ASAH1: variants seen among roughly 807,000 people sequenced by gnomAD.
ASAH1 encodes N-acylsphingosine amidohydrolase 1, also known as acid ceramidase.
ASAH1 carries 70 observed loss-of-function variants against 59.5 expected under a neutral mutation model. That is an observed-to-expected ratio of 1.18 (90% CI 0.97 to 1.43). The LOEUF (loss-of-function observed/expected upper bound fraction) is 1.43, where lower values mean the gene tolerates loss of function less well. Ranked by LOEUF, ASAH1 falls within the 40% of genes most tolerant of loss-of-function variation. ASAH1 has a pLI of 0.00. For missense variants in ASAH1, 660 were observed against 482.5 expected, an observed-to-expected ratio of 1.37 and a Z score of -3.45; for synonymous variants, 213 against 166.5, an observed-to-expected ratio of 1.28 and a Z score of -2.15.
chr8:18,066,092 T>G (rs529176858), intron 5 of ASAH1: 7 of 152,178 alleles, frequency 4.6e-5, no homozygotes, highest in African/African-American at 1.2e-4. Flanking sequence ...GGCCTAAATG[T>G]AAAAAGTAAA....
chr8:18,079,120 A>G (rs750342807), intron 1 of ASAH1, among the ~76,000 whole-genome samples: 3 of 122,260 alleles, frequency 2.5e-5, no homozygotes, highest in Non-Finnish European at 5.7e-5. Context: ...ACTACTAACA[A>G]TGCAAAAATT....
At chr8:18,059,943 C>G (rs1041937693) in intron 10 of ASAH1, 3 of 409,070 alleles carry the variant, frequency 7.3e-6, no homozygotes, top group African/African-American at 2.7e-5. Flanking sequence ...ACCCCACCCC[C>G]TGACAGGCCC....
intron 2 of ASAH1, among the ~76,000 whole-genome samples, chr8:18,075,275 G>T (rs919348034): frequency 3.3e-5 from 5 of 152,166 alleles, no homozygotes; most frequent in Admixed American, 1.3e-4. Context: ...TTACAGGCGT[G>T]AGCCACCGCG....
At position 18,064,664 on chromosome 8, in the gene ASAH1, C is replaced by T. The variant is rs528098708; in HGVS notation, c.383-133G>A. On this transcript the variant is annotated intron_variant, in intron 5 of 13. Transcript: ENST00000637790. ...GCCAGTGGGGCTGTGCTGGAACGGC[C>T]GGCTGGAGGTGGTTTTCTTCCCCAG... The T allele has an allele frequency of 2.1e-3, 1,346 of 638,190 alleles. 24 individuals carry two copies. Among genetic ancestry groups the T allele is most frequent in the South Asian group, 0.018 (944 of 52,996 alleles). The allele number at this position is 638,190 out of a possible 1,614,324, so 39.5% of individuals were successfully genotyped here. A position where few individuals can be genotyped will look rare whatever the true frequency, so the allele number is the denominator to read the frequency against.
At position 18,062,298 on chromosome 8, in the gene ASAH1, A is replaced by G. The variant is rs141068211; in HGVS notation, c.629T>C (p.Met210Thr). The change falls in exon 8 of 14, where the codon ATG becomes ACG. Residue 210 changes from methionine to threonine, a missense_variant. By Grantham distance (81) the Met-to-Thr change is moderately conservative. Coordinates refer to ENST00000637790, the MANE Select transcript of ASAH1 (RefSeq NM_177924.5). ...KASSFAGYVGMLTGFKPGLFS... is the reference protein window; with the variant it reads ...KASSFAGYVGTLTGFKPGLFS... ...CCTTACTGGTTTGAATCCTGTTAAC[A>G]TGCCCACATAGCCAGCAAAGCTTGA... is the stretch of plus-strand genomic sequence containing the variant. 1.3e-3 allele frequency: 2,131 copies of G among 1,614,240 alleles called. 2 individuals carry two copies. Among genetic ancestry groups the G allele is most frequent in the Non-Finnish European group, 1.7e-3 (1,952 of 1,180,034 alleles).
chr8:18,064,706 T>G, intron 5 of ASAH1, 175 bp from the exon 6 acceptor site: 1 of 576,438 alleles, frequency 1.7e-6, no homozygotes, highest in Non-Finnish European at 3.1e-6. Context: ...CTCTCTAGAC[T>G]CAAGATGAAA....
intron 7 of ASAH1, 81 bp downstream of exon 7, chr8:18,063,104 G>C: frequency 7.4e-7 from 1 of 1,343,432 alleles, no homozygotes; most frequent in Non-Finnish European, 1.1e-6. Flanking sequence ...TCCTGACCTC[G>C]TGATCCACCC....
intron 4 of ASAH1, 189 bp from the exon 5 acceptor site, chr8:18,067,487 TAA>T (rs1373629645): frequency 3.7e-6 from 1 of 268,552 alleles, no homozygotes; most frequent in Non-Finnish European, 6.9e-6. Flanking sequence ...CATGTAGTTA[TAA>T]AAAGATTCTA....
intron 1 of ASAH1, chr8:18,082,734 G>A (rs1170052673): frequency 6.6e-6 from 1 of 152,070 alleles, no homozygotes. Context: ...CTCATGGTGT[G>A]TGGTCTCCTT....
At chr8:18,070,174 A>G (rs1213760298) in intron 3 of ASAH1, among the ~76,000 whole-genome samples, 1 of 146,054 alleles carries the variant, frequency 6.8e-6, no homozygotes, top group Non-Finnish European at 1.5e-5. Context: ...TTTAAGACGG[A>G]GTTTTGCTCT....
At chr8:18,074,377 G>A (rs879256487) in intron 2 of ASAH1, among the ~76,000 whole-genome samples, 4 of 150,444 alleles carry the variant, frequency 2.7e-5, no homozygotes, top group Non-Finnish European at 4.4e-5. Flanking sequence ...ACATAAAGGC[G>A]AGTAAGTCAA....
intron 1 of ASAH1, among the ~76,000 whole-genome samples, chr8:18,078,330 G>C (rs955957187): frequency 6.6e-6 from 1 of 152,184 alleles, no homozygotes; most frequent in African/African-American, 2.4e-5. Flanking sequence ...AAGAACTAAA[G>C]AGCAAGCTAG....
At chr8:18,065,136 GTATTT>G (rs1379136165) in intron 5 of ASAH1, 5 of 151,376 alleles carry the variant, frequency 3.3e-5, no homozygotes, top group Non-Finnish European at 7.4e-5. Context: ...AATCCAATGT[GTATTT>G]TATTTCCATT....
Position 18,069,843 on chromosome 8 carries a change from T to C in ASAH1, c.252A>G (p.Ile84Met), listed in dbSNP as rs750504269. The C allele has an allele frequency of 6.9e-6, 11 of 1,591,826 alleles. No homozygotes were observed. Among genetic ancestry groups the C allele is most frequent in the Non-Finnish European group, 9.5e-6 (11 of 1,161,686 alleles). ...KVIVNSLKNMINTFVPSGKIM... is the reference protein window; with the variant it reads ...KVIVNSLKNMMNTFVPSGKIM... Reference sequence around the variant, plus strand: ...TTTTTCCACTTGGCACGAATGTATTTATCATATTCTTCAGAGAATTCACTA... The same window carrying C: ...TTTTTCCACTTGGCACGAATGTATTCATCATATTCTTCAGAGAATTCACTA... The change falls in exon 4 of 14, where the codon ATA (isoleucine) becomes ATG (methionine). Residue 84 changes from isoleucine (I) to methionine (M), a missense_variant. Transcript: ENST00000637790.
At chr8:18,075,083 C>T (rs1800341749) in intron 2 of ASAH1, among the ~76,000 whole-genome samples, 1 of 148,970 alleles carries the variant, frequency 6.7e-6, no homozygotes, top group South Asian at 2.2e-4. Context: ...GCAAGCTCCG[C>T]CTCCCGGGTT....
In ASAH1 at chr8:18,082,781, A is replaced by G. The variant is rs574588928; in HGVS notation, c.78+1200T>C. ...ACACTAAACCCAATTTGTTCAGCTT[A>G]TGGTGTGTTCCTGGTGGTCTTTCAA... On this transcript the variant is annotated intron_variant, in intron 1 of 13. Transcript: ENST00000637790. 3.5e-3 allele frequency among the ~76,000 whole-genome samples: 531 copies of G among 152,194 alleles called. 4 individuals carry two copies. Among genetic ancestry groups the G allele is most frequent in the Middle Eastern group, 6.8e-3 (2 of 294 alleles).
chr8:18,065,776 T>C (rs560008634), intron 5 of ASAH1: 1 of 152,000 alleles, frequency 6.6e-6, no homozygotes, highest in South Asian at 2.1e-4. Context: ...TGAGGTGAAA[T>C]AGTATTGATA....
chr8:18,062,538 A>G lies in ASAH1; in HGVS notation c.504-115T>C, dbSNP rs530829304. 3,670 of 1,160,894 alleles carry G rather than the reference A, an allele frequency of 3.2e-3. 19 individuals carry two copies. Among genetic ancestry groups the G allele is most frequent in the Non-Finnish European group, 2.7e-3 (2,074 of 778,178 alleles). The allele number at this position is 1,160,894 out of a possible 1,614,324, so 71.9% of individuals were successfully genotyped here. On this transcript the variant is annotated intron_variant, in intron 7 of 13. Transcript: ENST00000637790. ...TTTATTTACCGAGTCACCACGATCA[A>G]TCCTAACAAGACCTTTACAATATGG...
chr8:18,078,317 G>A (rs995986565), intron 1 of ASAH1, among the ~76,000 whole-genome samples: 12 of 152,140 alleles, frequency 7.9e-5, no homozygotes, highest in African/African-American at 2.2e-4. Context: ...CTGCCCCAGA[G>A]GTAAGAACTA....
Sources: allele counts gnomAD v4.1 joint callset (sites outside exome capture counted in the v4.1 genomes callset), GRCh38; gene constraint gnomAD v4.1.1; transcripts MANE v1.5; gene names NCBI Gene and HGNC (gene_info 2026-07-23, HGNC 2026-07-21).